CNTNAP2: variants seen among roughly 807,000 people sequenced by gnomAD.
CNTNAP2 encodes contactin associated protein 2.
CNTNAP2 carries 98 observed loss-of-function variants against 155.2 expected under a neutral mutation model. The observed-to-expected ratio is 0.63, with a 90% CI of 0.54 to 0.75. CNTNAP2 has a LOEUF of 0.75. Among genes scored for constraint, CNTNAP2 ranks in the 30% least tolerant of loss-of-function variants. The pLI, the probability that CNTNAP2 is intolerant of heterozygous loss-of-function variation, is 0.00. For missense variants in CNTNAP2, 1,727 were observed against 1,688.1 expected (o/e 1.02, Z -0.40); for synonymous variants, 651 against 631.2 (o/e 1.03, Z -0.47).
Position 147,792,617 on chromosome 7 carries a change from A to G in CNTNAP2, c.2099-110948A>G, listed in dbSNP as rs1015398484. Among the ~76,000 whole-genome samples, 11 of 152,284 alleles carry G rather than the reference A, an allele frequency of 7.2e-5. 1 individual carries two copies. Among genetic ancestry groups the G allele is most frequent in the African/African-American group, 2.4e-4 (10 of 41,540 alleles). On this transcript the variant is annotated intron_variant, in intron 13 of 23. Transcript: ENST00000361727. Reference sequence around the variant, plus strand: ...TTTATAATTTATCAACTGAAGGACAATTGAGTTTACATTTTTGCCTGTTAT... The same window carrying G: ...TTTATAATTTATCAACTGAAGGACAGTTGAGTTTACATTTTTGCCTGTTAT...
chr7:146,985,176 GA>G (rs2129237662), intron 3 of CNTNAP2, among the ~76,000 whole-genome samples: 1 of 152,192 alleles, frequency 6.6e-6, no homozygotes, highest in East Asian at 1.9e-4. Context: ...ATTACTCTGT[GA>G]AGTGCCAGCA....
intron 15 of CNTNAP2, among the ~76,000 whole-genome samples, chr7:148,046,785 G>C (rs543981107): frequency 1.3e-5 from 2 of 152,206 alleles, no homozygotes; most frequent in Admixed American, 6.5e-5. Flanking sequence ...CTCTAGAAGA[G>C]TTATATAATC....
At chr7:147,641,404 A>G (rs1420952055) in intron 13 of CNTNAP2, among the ~76,000 whole-genome samples, 1 of 152,164 alleles carries the variant, frequency 6.6e-6, no homozygotes, top group African/African-American at 2.4e-5. Context: ...GACTTCATCC[A>G]GAGGGCCAGT....
intron 12 of CNTNAP2, among the ~76,000 whole-genome samples, chr7:147,562,500 AG>A (rs1015229251): frequency 6.6e-6 from 1 of 152,206 alleles, no homozygotes; most frequent in African/African-American, 2.4e-5. Context: ...TTTTAAAATC[AG>A]CATGTAGGGG....
intron 21 of CNTNAP2, among the ~76,000 whole-genome samples, chr7:148,309,044 C>T (rs1797544380): frequency 6.6e-6 from 1 of 152,148 alleles, no homozygotes; most frequent in Admixed American, 6.5e-5. Flanking sequence ...CATACATGTG[C>T]ATGTGTCTTT....
At chr7:148,186,168 C>T (rs889715783) in intron 18 of CNTNAP2, among the ~76,000 whole-genome samples, 3 of 152,154 alleles carry the variant, frequency 2.0e-5, no homozygotes, top group African/African-American at 4.8e-5. Context: ...CAAAGTATGT[C>T]GTGGTTGAAA....
At chr7:148,034,811 G>A (rs923984035) in intron 15 of CNTNAP2, among the ~76,000 whole-genome samples, 2 of 152,194 alleles carry the variant, frequency 1.3e-5, no homozygotes, top group Admixed American at 6.6e-5. Flanking sequence ...AAGAAATATA[G>A]GGGAAGTAGA....
chr7:147,206,697 A>G (rs1242892814), intron 8 of CNTNAP2, among the ~76,000 whole-genome samples: 2 of 152,200 alleles, frequency 1.3e-5, no homozygotes, highest in Non-Finnish European at 2.9e-5. Flanking sequence ...CTCTTTGGCA[A>G]TATATATCAG....
chr7:146,859,670 A>AT (rs200663523), intron 3 of CNTNAP2, among the ~76,000 whole-genome samples: 12,301 of 151,836 alleles, frequency 0.081, 671 homozygotes, highest in East Asian at 0.12. Context: ...AAAAAAAAAA[A>AT]ATATATATAA....
chr7:148,020,667 C>T (rs1802264149), intron 15 of CNTNAP2, among the ~76,000 whole-genome samples: 1 of 152,122 alleles, frequency 6.6e-6, no homozygotes, highest in African/African-American at 2.4e-5. Flanking sequence ...GATATTTTTT[C>T]CTGCAATATA....
intron 1 of CNTNAP2, among the ~76,000 whole-genome samples, chr7:146,137,198 A>G (rs1022692346): frequency 3.9e-5 from 6 of 152,184 alleles, no homozygotes. Context: ...TATTAATTTT[A>G]TATTTCGATT....
intron 20 of CNTNAP2, among the ~76,000 whole-genome samples, chr7:148,237,919 GC>G (rs1796071749): frequency 1.3e-5 from 2 of 152,312 alleles, no homozygotes; most frequent in Admixed American, 6.5e-5. Context: ...ACTTGAGAGG[GC>G]CTTAATGATC....
chr7:146,714,014 TAAAA>T (rs908189195), intron 1 of CNTNAP2, among the ~76,000 whole-genome samples: 1 of 151,506 alleles, frequency 6.6e-6, no homozygotes, highest in African/African-American at 2.4e-5. Context: ...ATAGAGCAAA[TAAAA>T]AAAAATTGAC....
chr7:148,236,755 T>C (rs1028356544), intron 20 of CNTNAP2, among the ~76,000 whole-genome samples: 1 of 152,222 alleles, frequency 6.6e-6, no homozygotes, highest in African/African-American at 2.4e-5. Flanking sequence ...AGCTTCTGCT[T>C]CTGGGGAGAC....
rs144498854 is a variant in CNTNAP2, at chr7:146,935,639, A to G, written c.402+95735A>G. 7.0e-3 allele frequency among the ~76,000 whole-genome samples: 1,065 copies of G among 152,310 alleles called. 9 individuals carry two copies. Among genetic ancestry groups the G allele is most frequent in the African/African-American group, 0.024 (996 of 41,560 alleles). ...TTTAAAGGCTATAATTACACAGCAGATTTTAAATTCTCTTGTGAAAGTTAT... is the reference window on the plus strand; with the variant it reads ...TTTAAAGGCTATAATTACACAGCAGGTTTTAAATTCTCTTGTGAAAGTTAT... On this transcript the variant is annotated intron_variant, in intron 3 of 23. Transcript: ENST00000361727.
chr7:147,100,311 A>G (rs1800628330), intron 4 of CNTNAP2, among the ~76,000 whole-genome samples: 1 of 152,180 alleles, frequency 6.6e-6, no homozygotes, highest in African/African-American at 2.4e-5. Flanking sequence ...ATGATTAGCC[A>G]TTTATGGTTT....
chr7:146,242,204 T>C (rs1799573146), intron 1 of CNTNAP2, among the ~76,000 whole-genome samples: 1 of 152,134 alleles, frequency 6.6e-6, no homozygotes, highest in South Asian at 2.1e-4. Context: ...TCTATCCAAA[T>C]TGATTTTTGT....
Position 147,431,148 on chromosome 7 carries a change from TC to T in CNTNAP2, c.1670+35369del, listed in dbSNP as rs948092311. ...ATATGGTATGACTGGCTTGTTGAATTCATGATTAGGTTGGTTTGAGCAATTG... is the reference window on the plus strand; with the variant it reads ...ATATGGTATGACTGGCTTGTTGAATTATGATTAGGTTGGTTTGAGCAATTG... On this transcript the variant is annotated intron_variant, in intron 10 of 23. Transcript: ENST00000361727. 4.6e-5 allele frequency among the ~76,000 whole-genome samples: 7 copies of T among 152,282 alleles called. No homozygotes were observed. The East Asian group carries it at 7.7e-4, about 17-fold the overall frequency.
At chr7:147,968,136 T>A (rs918256344) in intron 14 of CNTNAP2, among the ~76,000 whole-genome samples, 1 of 152,210 alleles carries the variant, frequency 6.6e-6, no homozygotes, top group African/African-American at 2.4e-5. Context: ...TTTGTGTTGA[T>A]TGTACAAAGT....
Sources: allele counts gnomAD v4.1 joint callset (sites outside exome capture counted in the v4.1 genomes callset), GRCh38; gene constraint gnomAD v4.1.1; transcripts MANE v1.5; gene names NCBI Gene and HGNC (gene_info 2026-07-23, HGNC 2026-07-21).